NEXMIF: variants seen among roughly 807,000 people sequenced by gnomAD.
The protein encoded by NEXMIF is neurite extension and migration factor.
Under a neutral mutation model 62.1 loss-of-function variants are expected in NEXMIF, and 8 were observed. That is an observed-to-expected ratio of 0.13 (90% CI 0.08 to 0.23). The LOEUF (loss-of-function observed/expected upper bound fraction) is 0.23. Ranked by LOEUF, NEXMIF falls within the 10% of genes least tolerant of loss-of-function variation. The pLI is 1.00. For missense variants in NEXMIF, 976 were observed against 1,113.3 expected (o/e 0.88, Z 1.75); for synonymous variants, 404 against 416.6 (o/e 0.97, Z 0.37).
rs181003629 is a variant in NEXMIF at position 74,766,012 on chromosome X, G to A, written c.-47-20315C>T. ...GCCGAGATCGCACTACTGCACTCCA[G>A]CCTGGGTGACAGAGTGAGACTCTGT... On this transcript the variant is annotated intron_variant, in intron 1 of 3. Coordinates refer to ENST00000055682, the MANE Select transcript of NEXMIF (RefSeq NM_001008537.3). Among the ~76,000 whole-genome samples, 462 of 99,060 alleles carry A rather than the reference G, an allele frequency of 4.7e-3. 1 individual carries two copies. Among genetic ancestry groups the A allele is most frequent in the African/African-American group, 0.016 (433 of 27,480 alleles). 86.0% of individuals were successfully genotyped at this position (99,060 alleles called of 115,157 possible).
In NEXMIF at chrX:74,735,612, A is replaced by G. The variant is rs2080083107; in HGVS notation, c.*3793T>C. The G allele has an allele frequency of 1.8e-5, 2 of 112,049 alleles. No individual in the cohort carries two copies. The highest frequency in any genetic ancestry group is 7.5e-4 in the South Asian group (2 of 2,676). 9.2% of individuals were successfully genotyped at this position (112,049 alleles called of 1,213,427 possible). On this transcript the variant is annotated 3_prime_UTR_variant, in exon 4 of 4. Transcript: ENST00000055682. ...CACACGCAGATGCTTCCCAGCAAGG[A>G]AAAAGTTCAGAGAAGGTGAAAGTTG...
At chrX:74,843,421 T>TG (rs1292069249) in intron 1 of NEXMIF, among the ~76,000 whole-genome samples, 1 of 109,893 alleles carries the variant, frequency 9.1e-6, no homozygotes, top group Non-Finnish European at 1.9e-5. Context: ...TGCTTTTTTT[T>TG]TTTGTTTGTT....
chrX:74,860,560 C>T (rs941547033), intron 1 of NEXMIF, among the ~76,000 whole-genome samples: 4 of 111,842 alleles, frequency 3.6e-5, no homozygotes, highest in South Asian at 3.7e-4. Flanking sequence ...AGCATCTTCT[C>T]CACCACAATG....
At chrX:74,903,880 CGTGT>C (rs3222701) in intron 1 of NEXMIF, among the ~76,000 whole-genome samples, 18,589 of 93,849 alleles carry the variant, frequency 0.2, 1,857 homozygotes, top group African/African-American at 0.34. Context: ...CAATTCTAAT[CGTGT>C]GTGTGTGTGT....
chrX:74,865,750 C>T (rs1173436895), intron 1 of NEXMIF, among the ~76,000 whole-genome samples: 1 of 112,000 alleles, frequency 8.9e-6, no homozygotes, highest in Non-Finnish European at 1.9e-5. Flanking sequence ...GGCTAAAGTA[C>T]AGCTTGGGCC....
chrX:74,816,894 A>G (rs2080377807), intron 1 of NEXMIF, among the ~76,000 whole-genome samples: 1 of 112,486 alleles, frequency 8.9e-6, no homozygotes, highest in Non-Finnish European at 1.9e-5. Context: ...AAATCATGTT[A>G]TAATCTGTGA....
chrX:74,910,438 A>G (rs922433510), intron 1 of NEXMIF, among the ~76,000 whole-genome samples: 1 of 111,914 alleles, frequency 8.9e-6, no homozygotes, highest in Non-Finnish European at 1.9e-5. Flanking sequence ...GTATTTACCC[A>G]ATACCTGTAC....
At chrX:74,831,158 T>C (rs975381885) in intron 1 of NEXMIF, among the ~76,000 whole-genome samples, 1 of 111,320 alleles carries the variant, frequency 9.0e-6, no homozygotes, top group Non-Finnish European at 1.9e-5. Context: ...CCTTCAACTT[T>C]TATATATTTT....
chrX:74,771,394 A>C, intron 1 of NEXMIF, among the ~76,000 whole-genome samples: 1 of 110,670 alleles, frequency 9.0e-6, no homozygotes, highest in Non-Finnish European at 1.9e-5. Flanking sequence ...AAAAGTCTTA[A>C]ATCAACCTTA....
intron 1 of NEXMIF, among the ~76,000 whole-genome samples, chrX:74,865,196 C>A (rs774550384): frequency 8.9e-6 from 1 of 111,825 alleles, no homozygotes; most frequent in East Asian, 2.8e-4. Flanking sequence ...TTGGAACTTC[C>A]TAGAGACTTG....
chrX:74,813,197 A>G (rs1173432348), intron 1 of NEXMIF, among the ~76,000 whole-genome samples: 1 of 111,809 alleles, frequency 8.9e-6, no homozygotes, highest in Non-Finnish European at 1.9e-5. Context: ...TAATTAAACA[A>G]AAGGAAGCAA....
At chrX:74,825,709 C>G (rs764512620) in intron 1 of NEXMIF, among the ~76,000 whole-genome samples, 37 of 111,938 alleles carry the variant, frequency 3.3e-4, no homozygotes, top group South Asian at 1.9e-3. Flanking sequence ...CGCCCACCAT[C>G]ATGTCTGGCT....
At position 74,735,945 on chromosome X, in the gene NEXMIF, C is replaced by A. The variant is rs984758248; in HGVS notation, c.*3460G>T. 1.8e-5 allele frequency: 2 copies of A among 111,278 alleles called. No individual in the cohort carries two copies. Among genetic ancestry groups the A allele is most frequent in the Non-Finnish European group, 3.8e-5 (2 of 53,070 alleles). 9.2% of individuals were successfully genotyped at this position (111,278 alleles called of 1,213,427 possible). A position where few individuals can be genotyped will look rare whatever the true frequency, so the allele number is the denominator to read the frequency against. ...CACCTAACCAGGGCAGGAGATGAGACCTATTCTTAACAGATCTTCAGGGAA... is the reference window on the plus strand; with the variant it reads ...CACCTAACCAGGGCAGGAGATGAGAACTATTCTTAACAGATCTTCAGGGAA... On this transcript the variant is annotated 3_prime_UTR_variant, in exon 4 of 4. Coordinates refer to ENST00000055682, the MANE Select transcript of NEXMIF (RefSeq NM_001008537.3).
chrX:74,766,154 G>C (rs948055240), intron 1 of NEXMIF, among the ~76,000 whole-genome samples: 2 of 110,184 alleles, frequency 1.8e-5, no homozygotes, highest in Non-Finnish European at 3.8e-5. Flanking sequence ...TTTATCTCTA[G>C]CTACCTTTAA....
At chrX:74,844,800 G>A (rs1282642813) in intron 1 of NEXMIF, among the ~76,000 whole-genome samples, 1 of 112,442 alleles carries the variant, frequency 8.9e-6, no homozygotes, top group African/African-American at 3.2e-5. Flanking sequence ...AATTCAACAA[G>A]CATTTTCAGA....
intron 1 of NEXMIF, among the ~76,000 whole-genome samples, chrX:74,907,578 C>T (rs2080773630): frequency 9.0e-6 from 1 of 110,988 alleles, no homozygotes. Flanking sequence ...CTCCATTTCA[C>T]AATTTGAAAA....
In NEXMIF at chrX:74,899,039, T is replaced by C. The variant is rs1000081120; in HGVS notation, c.-48+25844A>G. ...GATTGGAAGACTTAATGTTAAGATG[T>C]AAATACCACCAGAGAGACCTTACAA... is the stretch of plus-strand genomic sequence containing the variant. On this transcript the variant is annotated intron_variant, in intron 1 of 3. Transcript: ENST00000055682. Among the ~76,000 whole-genome samples the C allele has an allele frequency of 6.3e-5, 7 of 111,453 alleles. No homozygotes were observed. In the South Asian group the frequency reaches 2.6e-3, roughly 42 times the overall value.
Position 74,740,717 on chromosome X carries a change from A to G in NEXMIF, c.3840T>C (p.Ser1280=). 8.2e-7 allele frequency: 1 copy of G among 1,212,214 alleles called. No individual in the cohort carries two copies. Among genetic ancestry groups the G allele is most frequent in the Non-Finnish European group, 1.1e-6 (1 of 895,620 alleles). The change falls in exon 3 of 4, where the codon TCT becomes TCC. Residue 1280 remains serine, a synonymous_variant. Transcript: ENST00000055682. ...SMKMPSQKGL[S]GDWALGKESS... Reference sequence around the variant, plus strand: ...TCTCCTTCCCCAAGGCCCAATCTCCAGAAAGTCCCTTTTGACTTGGCATCT... The same window carrying G: ...TCTCCTTCCCCAAGGCCCAATCTCCGGAAAGTCCCTTTTGACTTGGCATCT...
intron 1 of NEXMIF, among the ~76,000 whole-genome samples, chrX:74,920,810 C>G (rs986846458): frequency 1.2e-4 from 13 of 111,491 alleles, no homozygotes; most frequent in African/African-American, 4.2e-4. Context: ...TGACTTGGCA[C>G]TACTTTAGCA....
Sources: allele counts gnomAD v4.1 joint callset (sites outside exome capture counted in the v4.1 genomes callset), GRCh38; gene constraint gnomAD v4.1.1; transcripts MANE v1.5; gene names NCBI Gene and HGNC (gene_info 2026-07-23, HGNC 2026-07-21).